The following ADAMTSL1 variants were observed in gnomAD, a reference collection of about 807,000 sequenced individuals.
The protein encoded by ADAMTSL1 is ADAMTS like 1.
In ADAMTSL1, 126 loss-of-function variants were observed where a neutral mutation model predicts 201.8. The ratio of observed to expected loss-of-function variants is 0.62; its 90% CI spans 0.54 to 0.72. The LOEUF (loss-of-function observed/expected upper bound fraction) is 0.72, where lower values mean the gene tolerates loss of function less well. ADAMTSL1 is among the 30% of genes least tolerant of loss of function. The pLI is 0.00. For missense variants in ADAMTSL1, 2,679 were observed against 2,277.8 expected, an observed-to-expected ratio of 1.18 and a Z score of -3.59; for synonymous variants, 1,121 against 903.4, an observed-to-expected ratio of 1.24 and a Z score of -4.32.
chr9:18,125,322 A>G (rs201551999), intron 1 of ADAMTSL1, among the ~76,000 whole-genome samples: 7 of 151,882 alleles, frequency 4.6e-5, no homozygotes, highest in Admixed American at 1.3e-4. Context: ...GGAAAGACCC[A>G]CCCCCATAAT....
intron 13 of ADAMTSL1, among the ~76,000 whole-genome samples, chr9:18,697,101 C>A (rs1831606528): frequency 6.6e-6 from 1 of 151,668 alleles, no homozygotes; most frequent in South Asian, 2.1e-4. Context: ...CCAGGATGGT[C>A]TTCATCTCTT....
intron 15 of ADAMTSL1, among the ~76,000 whole-genome samples, chr9:18,739,476 A>C (rs1818698734): frequency 6.6e-6 from 1 of 152,250 alleles, no homozygotes; most frequent in South Asian, 2.1e-4. Context: ...ATGGATAATC[A>C]AAAACAAATG....
At chr9:18,674,553 C>A (rs1830026425) in intron 9 of ADAMTSL1, among the ~76,000 whole-genome samples, 1 of 151,892 alleles carries the variant, frequency 6.6e-6, no homozygotes, top group African/African-American at 2.4e-5. Flanking sequence ...CTGTTTCTAC[C>A]CAAACACCTG....
chr9:17,924,174 TGATTG>T (rs1826424624), intron 1 of ADAMTSL1, among the ~76,000 whole-genome samples: 1 of 151,596 alleles, frequency 6.6e-6, no homozygotes, highest in Non-Finnish European at 1.5e-5. Flanking sequence ...CTTTTTCTAT[TGATTG>T]GAATAGTTTC....
chr9:18,467,826 C>A lies in ADAMTSL1; in HGVS notation c.208-37003C>A, dbSNP rs370725861. Among the ~76,000 whole-genome samples the A allele has an allele frequency of 3.3e-4, 51 of 152,242 alleles. No individual in the cohort carries two copies. In the East Asian group the frequency reaches 9.6e-3, roughly 29 times the overall value. On this transcript the variant is annotated intron_variant, in intron 2 of 29. Coordinates refer to the ADAMTSL1 transcript ENST00000680146. ...GGACTGGAAGCAGATCAGGGAGGTC[C>A]TTGAATGCCAAGCTGAGGAATTTGG...
intron 1 of ADAMTSL1, among the ~76,000 whole-genome samples, chr9:17,972,257 C>A (rs1402250083): frequency 7.3e-6 from 1 of 136,256 alleles, no homozygotes; most frequent in Non-Finnish European, 1.6e-5. Flanking sequence ...TGGTGTGCTG[C>A]ATCCATTAAC....
chr9:18,570,410 A>G (rs1466753386), intron 3 of ADAMTSL1, among the ~76,000 whole-genome samples: 3 of 152,208 alleles, frequency 2.0e-5, no homozygotes, highest in Admixed American at 1.3e-4. Context: ...TTGCAGCTGG[A>G]TGATCCCAGA....
chr9:18,431,504 T>C (rs1169250530), intron 2 of ADAMTSL1, among the ~76,000 whole-genome samples: 2 of 152,156 alleles, frequency 1.3e-5, no homozygotes, highest in African/African-American at 2.4e-5. Context: ...TAAGAATTAA[T>C]ATATAGGACT....
intron 2 of ADAMTSL1, among the ~76,000 whole-genome samples, chr9:18,285,388 T>G (rs1358543676): frequency 1.3e-5 from 2 of 152,106 alleles, no homozygotes; most frequent in African/African-American, 4.8e-5. Context: ...ATATGAGAGA[T>G]AAGAGAGTCA....
intron 13 of ADAMTSL1, among the ~76,000 whole-genome samples, chr9:18,690,854 G>C (rs1261108723): frequency 6.6e-6 from 1 of 152,098 alleles, no homozygotes; most frequent in Non-Finnish European, 1.5e-5. Context: ...CCATATTCTA[G>C]ATGACTTTAG....
At chr9:18,889,112 G>T (rs555981069) in intron 24 of ADAMTSL1, among the ~76,000 whole-genome samples, 1 of 152,152 alleles carries the variant, frequency 6.6e-6, no homozygotes, top group African/African-American at 2.4e-5. Flanking sequence ...GGTAACATTT[G>T]CAAAGTCCAG....
chr9:18,897,146 A>T (rs1829692669), intron 26 of ADAMTSL1, among the ~76,000 whole-genome samples: 1 of 152,156 alleles, frequency 6.6e-6, no homozygotes, highest in Non-Finnish European at 1.5e-5. Context: ...TTTAAGTGGG[A>T]CCCTGATCCA....
At chr9:18,436,906 C>A (rs1233377311) in intron 2 of ADAMTSL1, among the ~76,000 whole-genome samples, 1 of 152,180 alleles carries the variant, frequency 6.6e-6, no homozygotes, top group African/African-American at 2.4e-5. Flanking sequence ...AAGGCAGGAG[C>A]AGTAGGTGGA....
chr9:18,615,774 A>G lies in ADAMTSL1; in HGVS notation c.475-6469A>G, dbSNP rs1379033772. 6.6e-5 allele frequency among the ~76,000 whole-genome samples: 10 copies of G among 152,154 alleles called. 1 individual carries two copies. The highest frequency in any genetic ancestry group is 5.9e-4 in the Admixed American group (9 of 15,280). On this transcript the variant is annotated intron_variant, in intron 4 of 28. Transcript: ENST00000380548. ...AATGGTAAATGGGTTTAGTTTCCTGATTTGACAACTATAGTCTATTGGATT... is the reference window on the plus strand; with the variant it reads ...AATGGTAAATGGGTTTAGTTTCCTGGTTTGACAACTATAGTCTATTGGATT...
chr9:17,929,278 C>T (rs1453215590), intron 1 of ADAMTSL1, among the ~76,000 whole-genome samples: 1 of 152,014 alleles, frequency 6.6e-6, no homozygotes, highest in East Asian at 1.9e-4. Flanking sequence ...TTCGTTATCA[C>T]CTCCCAAAAA....
intron 17 of ADAMTSL1, among the ~76,000 whole-genome samples, chr9:18,773,078 G>T (rs756620915): frequency 6.6e-6 from 1 of 152,134 alleles, no homozygotes; most frequent in African/African-American, 2.4e-5. Context: ...TCCCCTGGCC[G>T]TCTGGCTGAG....
chr9:18,813,257 C>T (rs1823626753), intron 20 of ADAMTSL1, among the ~76,000 whole-genome samples: 1 of 152,334 alleles, frequency 6.6e-6, no homozygotes, highest in South Asian at 2.1e-4. Context: ...AGCCACCACA[C>T]CCGGCCCCCA....
chr9:18,220,916 G>A lies in ADAMTSL1; in HGVS notation c.207+56935G>A, dbSNP rs1486123091. 8.6e-5 allele frequency among the ~76,000 whole-genome samples: 13 copies of A among 151,634 alleles called. 1 individual carries two copies. The South Asian group carries it at 2.7e-3, about 32-fold the overall frequency. On this transcript the variant is annotated intron_variant, in intron 2 of 29. Coordinates refer to the ADAMTSL1 transcript ENST00000680146. ...CACCCTCCCAAGTAGCTGGGACTAC[G>A]AGCCTCTGCCACCAAGCCCAGCTAA...
intron 9 of ADAMTSL1, among the ~76,000 whole-genome samples, chr9:18,674,651 A>G (rs1367862785): frequency 6.6e-6 from 1 of 152,084 alleles, no homozygotes; most frequent in African/African-American, 2.4e-5. Flanking sequence ...ATTAAAATAT[A>G]AAGATCAACA....
Sources: gnomAD v4.1 joint callset for allele counts (sites outside exome capture counted in the v4.1 genomes callset) on GRCh38, gnomAD v4.1.1 for gene constraint, MANE v1.5 for transcripts, NCBI Gene and HGNC (gene_info 2026-07-23, HGNC 2026-07-21) for gene names.